Variants in LRRC69 observed in about 807,000 individuals in gnomAD.
The protein encoded by LRRC69 is leucine-rich repeat-containing protein 69.
In LRRC69, 42 loss-of-function variants were observed where a neutral mutation model predicts 37.8. The observed-to-expected ratio is 1.11, with a 90% CI of 0.87 to 1.44. The LOEUF is 1.44. Among genes scored for constraint, LRRC69 ranks in the 40% most tolerant of loss-of-function variants. LRRC69 has a pLI of 0.00. For missense variants in LRRC69, 357 were observed against 401.9 expected, an observed-to-expected ratio of 0.89 and a Z score of 0.96; for synonymous variants, 141 against 143.1, an observed-to-expected ratio of 0.99 and a Z score of 0.11.
chr8:91,141,929 C>T (rs377685052), intron 5 of LRRC69, among the ~76,000 whole-genome samples: 3 of 151,820 alleles, frequency 2.0e-5, no homozygotes, highest in Non-Finnish European at 2.9e-5. Context: ...AGGCTATCAT[C>T]GTGGGATTTC....
At chr8:91,169,315 C>T (rs983783399) in intron 5 of LRRC69, among the ~76,000 whole-genome samples, 1 of 151,752 alleles carries the variant, frequency 6.6e-6, no homozygotes. Flanking sequence ...ATGATTATTA[C>T]CTGGGTGATG....
At chr8:91,102,717 T>C (rs1216096292) in exon 1 of LRRC69, 2 of 1,551,554 alleles carry the variant, frequency 1.3e-6, no homozygotes, top group Non-Finnish European at 1.7e-6. Context: ...ACGAAGATCA[T>C]TACTTTGAAT....
At chr8:91,200,720 A>G (rs1384620123) in exon 7 of LRRC69, 1 of 1,538,736 alleles carries the variant, frequency 6.5e-7, no homozygotes, top group African/African-American at 1.4e-5. Flanking sequence ...CTCAGGGAAA[A>G]ACATGTGCAA....
intron 1 of LRRC69, among the ~76,000 whole-genome samples, chr8:91,123,867 G>C (rs1393916845): frequency 1.3e-5 from 2 of 151,920 alleles, no homozygotes; most frequent in African/African-American, 4.8e-5. Context: ...GTTCTTCCTA[G>C]GCCTGACCAA....
At chr8:91,199,318 C>T (rs1809674960) in intron 6 of LRRC69, among the ~76,000 whole-genome samples, 1 of 152,124 alleles carries the variant, frequency 6.6e-6, no homozygotes, top group African/African-American at 2.4e-5. Context: ...TGCAACCACC[C>T]AGGAGAATGA....
chr8:91,102,938 G>C, intron 1 of LRRC69, 94 bp downstream of exon 1: 6 of 1,164,808 alleles, frequency 5.2e-6, no homozygotes, highest in African/African-American at 1.6e-5. Flanking sequence ...ATAACACTTC[G>C]ATCTATGGAG....
intron 5 of LRRC69, 121 bp downstream of exon 5, chr8:91,135,860 C>T (rs1813903484): frequency 2.0e-6 from 1 of 488,620 alleles, no homozygotes; most frequent in Non-Finnish European, 3.5e-6. Context: ...ATACAAATGA[C>T]TCAAAGATTT....
At chr8:91,201,479 A>T (rs773159547) in intron 7 of LRRC69, among the ~76,000 whole-genome samples, 20 of 151,878 alleles carry the variant, frequency 1.3e-4, no homozygotes, top group Non-Finnish European at 2.9e-4. Context: ...AATTTCATAT[A>T]ATGTTAACAT....
chr8:91,102,838 G>T, exon 1 of LRRC69: 1 of 1,543,016 alleles, frequency 6.5e-7, no homozygotes, highest in South Asian at 1.2e-5. Context: ...TATGCAACTT[G>T]ACCCAGGTGA....
exon 4 of LRRC69, chr8:91,133,154 C>T (rs1412112903): frequency 6.5e-7 from 1 of 1,533,116 alleles, no homozygotes; most frequent in Non-Finnish European, 8.8e-7. Flanking sequence ...AACCAACTAG[C>T]CAGCATTCCT....
intron 5 of LRRC69, among the ~76,000 whole-genome samples, chr8:91,153,855 A>C (rs1219669478): frequency 6.6e-6 from 1 of 151,988 alleles, no homozygotes; most frequent in Non-Finnish European, 1.5e-5. Context: ...ACAGGAAATA[A>C]CTAAGATCAG....
intron 1 of LRRC69, among the ~76,000 whole-genome samples, chr8:91,104,050 G>C (rs548701441): frequency 6.6e-5 from 10 of 151,754 alleles, no homozygotes; most frequent in African/African-American, 2.4e-4. Context: ...CTATTTTATT[G>C]ATTTGTCTAT....
At chr8:91,157,833 A>G in intron 5 of LRRC69, 1 of 1,606,516 alleles carries the variant, frequency 6.2e-7, no homozygotes, top group Non-Finnish European at 8.5e-7. Flanking sequence ...TGGGAAAAGG[A>G]GCTGCATCAT....
At chr8:91,206,175 C>T (rs1408153146) in intron 7 of LRRC69, among the ~76,000 whole-genome samples, 1 of 152,134 alleles carries the variant, frequency 6.6e-6, no homozygotes, top group Non-Finnish European at 1.5e-5. Context: ...ACCAGCTCCT[C>T]CTTTAATTAG....
Position 91,121,143 on chromosome 8 carries a change from C to A in LRRC69, c.184-3350C>A, listed in dbSNP as rs918032238. On this transcript the variant is annotated intron_variant, in intron 1 of 7. Coordinates refer to ENST00000448384, the Ensembl canonical transcript of LRRC69. ...ATATCCCAAACCCATCCACGTCTCT[C>A]CAGGTCCACCATCCACTACCTAGCT... Among the ~76,000 whole-genome samples, 19 of 152,052 alleles carry A rather than the reference C, an allele frequency of 1.2e-4. No homozygotes were observed. The East Asian group carries it at 2.7e-3, about 22-fold the overall frequency.
intron 6 of LRRC69, 41 bp from the exon 7 acceptor site, chr8:91,200,572 T>C (rs1402074047): frequency 1.6e-6 from 2 of 1,279,170 alleles, no homozygotes; most frequent in African/African-American, 1.6e-5. Context: ...AAAATAGTTT[T>C]GAAAACAATC....
intron 5 of LRRC69, chr8:91,158,032 C>CA: frequency 2.2e-6 from 3 of 1,351,080 alleles, no homozygotes; most frequent in African/African-American, 2.9e-5. Flanking sequence ...GAGACAAAGT[C>CA]AAAATTATCT....
At chr8:91,200,916 A>G (rs757861540) in intron 7 of LRRC69, 124 bp downstream of exon 7, 7 of 861,552 alleles carry the variant, frequency 8.1e-6, no homozygotes, top group Non-Finnish European at 1.1e-5. Flanking sequence ...TATACTGTAA[A>G]TTTTGGATAG....
intron 5 of LRRC69, chr8:91,157,723 A>G: frequency 6.2e-7 from 1 of 1,604,286 alleles, no homozygotes; most frequent in Non-Finnish European, 8.5e-7. Context: ...CTGTGAACCA[A>G]TGCAGGTGGC....
Sources: gnomAD v4.1 joint callset for allele counts (sites outside exome capture counted in the v4.1 genomes callset) on GRCh38, gnomAD v4.1.1 for gene constraint, MANE v1.5 for transcripts, NCBI Gene and HGNC (gene_info 2026-07-23, HGNC 2026-07-21) for gene names.